PLCB1: variants seen among roughly 807,000 people sequenced by gnomAD.
The protein encoded by PLCB1 is phospholipase C beta 1, also known as 1-phosphatidylinositol 4,5-bisphosphate phosphodiesterase beta-1.
Under a neutral mutation model 161.8 loss-of-function variants are expected in PLCB1, and 46 were observed. That is an observed-to-expected ratio of 0.28 (90% CI 0.22 to 0.36). PLCB1 has a LOEUF of 0.36. PLCB1 is among the 10% of genes least tolerant of loss of function. The pLI is 1.00. For missense variants in PLCB1, 1,016 were observed against 1,472.5 expected, an observed-to-expected ratio of 0.69 and a Z score of 5.07; for synonymous variants, 517 against 503.7, an observed-to-expected ratio of 1.03 and a Z score of -0.35.
intron 3 of PLCB1, among the ~76,000 whole-genome samples, chr20:8,533,133 G>A (rs1196731808): frequency 1.3e-5 from 2 of 151,536 alleles, no homozygotes; most frequent in Non-Finnish European, 2.9e-5. Flanking sequence ...TTGTCCTTGC[G>A]ACAGTTTACT....
At chr20:8,490,113 T>C (rs1308298050) in intron 3 of PLCB1, among the ~76,000 whole-genome samples, 1 of 152,214 alleles carries the variant, frequency 6.6e-6, no homozygotes, top group African/African-American at 2.4e-5. Context: ...CCCTCTTAGC[T>C]GTTCATCCTC....
intron 3 of PLCB1, among the ~76,000 whole-genome samples, chr20:8,415,119 G>A (rs1979213534): frequency 1.3e-5 from 2 of 152,184 alleles, no homozygotes; most frequent in African/African-American, 4.8e-5. Context: ...ATGCAATAGG[G>A]TGAGTCATAA....
chr20:8,540,824 A>C (rs1381092249), intron 3 of PLCB1, among the ~76,000 whole-genome samples: 1 of 152,082 alleles, frequency 6.6e-6, no homozygotes, highest in Non-Finnish European at 1.5e-5. Flanking sequence ...TGAAGTTAGG[A>C]CTTATTTCTT....
At chr20:8,213,252 A>G (rs941844922) in intron 2 of PLCB1, among the ~76,000 whole-genome samples, 6 of 152,184 alleles carry the variant, frequency 3.9e-5, no homozygotes, top group Non-Finnish European at 5.9e-5. Flanking sequence ...TGTCCATTAG[A>G]TAATGGCAGG....
intron 3 of PLCB1, among the ~76,000 whole-genome samples, chr20:8,548,496 CCTTT>C (rs2122984173): frequency 6.8e-6 from 1 of 147,246 alleles, no homozygotes; most frequent in African/African-American, 2.5e-5. Context: ...ATCCTTCCTT[CCTTT>C]CTTACTTCCT....
At chr20:8,822,347 G>A (rs921467046) in intron 31 of PLCB1, among the ~76,000 whole-genome samples, 2 of 152,270 alleles carry the variant, frequency 1.3e-5, no homozygotes, top group South Asian at 2.1e-4. Context: ...CAGGCACTGC[G>A]CTGCATACTA....
intron 9 of PLCB1, among the ~76,000 whole-genome samples, chr20:8,661,602 G>T (rs927083056): frequency 1.4e-4 from 21 of 151,998 alleles, no homozygotes; most frequent in African/African-American, 4.8e-4. Context: ...GGTCACTTCA[G>T]CTTTAAGGCA....
chr20:8,687,284 C>T (rs1432527612), intron 10 of PLCB1, among the ~76,000 whole-genome samples: 1 of 152,196 alleles, frequency 6.6e-6, no homozygotes, highest in Non-Finnish European at 1.5e-5. Context: ...CTCAGCCTCC[C>T]AAAGTCCTGG....
chr20:8,790,567 G>A (rs1983706145), intron 31 of PLCB1, among the ~76,000 whole-genome samples: 1 of 152,212 alleles, frequency 6.6e-6, no homozygotes, highest in South Asian at 2.1e-4. Context: ...GAGAATCAGA[G>A]ACTAACCAAA....
intron 2 of PLCB1, among the ~76,000 whole-genome samples, chr20:8,253,913 C>A (rs1981280101): frequency 6.6e-6 from 1 of 151,952 alleles, no homozygotes; most frequent in South Asian, 2.1e-4. Context: ...AAGATAATGG[C>A]CTCCAGCTGC....
In PLCB1 at chr20:8,632,034, G is replaced by GTTTTTTTTTTTTTTTTTTT. The variant is rs750797408; in HGVS notation, c.384+3603_384+3604insTTTTTTTTTTTTTTTTTTT. 2.4e-5 allele frequency among the ~76,000 whole-genome samples: 2 copies of GTTTTTTTTTTTTTTTTTTT among 81,750 alleles called. 1 individual carries two copies. Among genetic ancestry groups the GTTTTTTTTTTTTTTTTTTT allele is most frequent in the Non-Finnish European group, 5.3e-5 (2 of 38,044 alleles). 53.6% of individuals were successfully genotyped at this position (81,750 alleles called of 152,430 possible). ...GAGGAGACAAATATGGGTTTTTTTT[G>GTTTTTTTTTTTTTTTTTTT]CTTTTTTTTTTTTTTTTTTTTTTTT... is the stretch of plus-strand genomic sequence containing the variant. On this transcript the variant is annotated intron_variant, in intron 4 of 31. Transcript: ENST00000338037.
At chr20:8,604,025 G>C (rs929135425) in intron 3 of PLCB1, among the ~76,000 whole-genome samples, 1 of 152,098 alleles carries the variant, frequency 6.6e-6, no homozygotes, top group African/African-American at 2.4e-5. Flanking sequence ...GGCTGAGGTA[G>C]GTGTATCACA....
intron 2 of PLCB1, among the ~76,000 whole-genome samples, chr20:8,323,278 C>A (rs8117997): frequency 0.018 from 2,688 of 152,230 alleles, 71 homozygotes; most frequent in African/African-American, 0.062. Context: ...TTATCAATTG[C>A]TGTATAACAT....
chr20:8,862,931 A>G (rs1342209519), intron 31 of PLCB1, among the ~76,000 whole-genome samples: 1 of 152,186 alleles, frequency 6.6e-6, no homozygotes, highest in Non-Finnish European at 1.5e-5. Context: ...GAGGGTAGCA[A>G]TTAAAAGTGT....
intron 1 of PLCB1, among the ~76,000 whole-genome samples, chr20:8,143,954 C>G (rs573858147): frequency 1.3e-5 from 2 of 152,178 alleles, no homozygotes; most frequent in Admixed American, 1.3e-4. Flanking sequence ...ATCCCTCGCT[C>G]TAGATACTGG....
At chr20:8,156,252 T>C (rs542840242) in intron 2 of PLCB1, among the ~76,000 whole-genome samples, 1 of 152,318 alleles carries the variant, frequency 6.6e-6, no homozygotes, top group East Asian at 1.9e-4. Context: ...CCCTCACCTC[T>C]TGGGTGGGAT....
chr20:8,755,654 A>G (rs1166270663), intron 23 of PLCB1, among the ~76,000 whole-genome samples: 1 of 152,152 alleles, frequency 6.6e-6, no homozygotes, highest in African/African-American at 2.4e-5. Context: ...CAATGCATTT[A>G]TTATTATTAT....
At chr20:8,500,016 T>C (rs529442620) in intron 3 of PLCB1, among the ~76,000 whole-genome samples, 3 of 152,292 alleles carry the variant, frequency 2.0e-5, no homozygotes, top group Middle Eastern at 3.4e-3. Context: ...AGGAATTTAC[T>C]AAAGGAATTC....
intron 3 of PLCB1, among the ~76,000 whole-genome samples, chr20:8,586,342 A>T (rs1600171427): frequency 7.1e-6 from 1 of 141,156 alleles, no homozygotes. Flanking sequence ...TTTCTTTTTT[A>T]TTTATTTATT....
Sources: allele counts gnomAD v4.1 joint callset (sites outside exome capture counted in the v4.1 genomes callset), GRCh38; gene constraint gnomAD v4.1.1; transcripts MANE v1.5; gene names NCBI Gene and HGNC (gene_info 2026-07-23, HGNC 2026-07-21).